ACBD6: variants seen among roughly 807,000 people sequenced by gnomAD.
ACBD6 encodes acyl-CoA-binding domain-containing protein 6.
In ACBD6, 28 loss-of-function variants were observed where a neutral mutation model predicts 37.2. The ratio of observed to expected loss-of-function variants is 0.75; its 90% CI spans 0.56 to 1.03. The LOEUF is 1.03. ACBD6 is among the 50% of genes least tolerant of loss of function. ACBD6 has a pLI of 0.00. For synonymous variants in ACBD6, 113 were observed against 126.8 expected, an observed-to-expected ratio of 0.89 and a Z score of 0.73; for missense variants, 340 against 337.4, an observed-to-expected ratio of 1.01 and a Z score of -0.06.
intron 3 of ACBD6, among the ~76,000 whole-genome samples, chr1:180,445,132 A>G (rs1008563711): frequency 4.6e-5 from 7 of 152,202 alleles, no homozygotes; most frequent in African/African-American, 1.7e-4. Context: ...TTTATACATA[A>G]ATAAAACAGT....
chr1:180,309,674 A>G (rs1268701856), intron 7 of ACBD6, among the ~76,000 whole-genome samples: 3 of 152,234 alleles, frequency 2.0e-5, no homozygotes, highest in Non-Finnish European at 4.4e-5. Context: ...ATTGTGGAGT[A>G]AAAGAAGGCT....
At chr1:180,355,960 C>T (rs748521470) in intron 6 of ACBD6, among the ~76,000 whole-genome samples, 3 of 151,888 alleles carry the variant, frequency 2.0e-5, no homozygotes, top group East Asian at 1.9e-4. Context: ...CTCTGCCTCC[C>T]GGGTTCAAGC....
At chr1:180,465,069 C>G (rs1650295192) in intron 3 of ACBD6, among the ~76,000 whole-genome samples, 1 of 152,026 alleles carries the variant, frequency 6.6e-6, no homozygotes, top group African/African-American at 2.4e-5. Flanking sequence ...AACCCAAAAC[C>G]ATAAAAACCC....
At chr1:180,479,993 CCAAAGAAA>C (rs1490351968) in intron 3 of ACBD6, among the ~76,000 whole-genome samples, 1 of 151,144 alleles carries the variant, frequency 6.6e-6, no homozygotes, top group Non-Finnish European at 1.5e-5. Context: ...TGTCTCAAAA[CCAAAGAAA>C]AAAAGAAAAT....
Position 180,431,007 on chromosome 1 carries a change from T to A in ACBD6, c.385-745A>T, listed in dbSNP as rs141990119. ...TTTAGTACAGGACACCCTGCAAAAGTCAAAACTCTGATTCCGGACATAAAT... is the reference window on the plus strand; with the variant it reads ...TTTAGTACAGGACACCCTGCAAAAGACAAAACTCTGATTCCGGACATAAAT... On this transcript the variant is annotated intron_variant, in intron 3 of 7. Coordinates refer to ENST00000367595, the MANE Select transcript of ACBD6 (RefSeq NM_032360.4). 9.2e-5 allele frequency among the ~76,000 whole-genome samples: 14 copies of A among 152,242 alleles called. No homozygotes were observed. The East Asian group carries it at 2.5e-3, about 27-fold the overall frequency.
At chr1:180,315,301 C>A (rs928775809) in intron 6 of ACBD6, among the ~76,000 whole-genome samples, 4 of 152,144 alleles carry the variant, frequency 2.6e-5, no homozygotes, top group African/African-American at 4.8e-5. Flanking sequence ...GAAATTCCAA[C>A]ATTTCAGTTA....
chr1:180,310,103 A>T (rs145090108), intron 7 of ACBD6, among the ~76,000 whole-genome samples: 5 of 152,282 alleles, frequency 3.3e-5, no homozygotes, highest in Admixed American at 6.5e-5. Context: ...TTTATAAAAA[A>T]AAATAACTAC....
intron 6 of ACBD6, among the ~76,000 whole-genome samples, chr1:180,375,655 G>A (rs1004133076): frequency 6.6e-6 from 1 of 152,082 alleles, no homozygotes; most frequent in African/African-American, 2.4e-5. Context: ...ATGGTGCCAG[G>A]ACAACAGGTA....
At chr1:180,420,661 G>A (rs1648320635) in intron 4 of ACBD6, among the ~76,000 whole-genome samples, 2 of 152,184 alleles carry the variant, frequency 1.3e-5, no homozygotes, top group African/African-American at 2.4e-5. Context: ...TCTCTTACTA[G>A]AAAGGTACCT....
At chr1:180,316,155 T>C (rs975201747) in intron 6 of ACBD6, among the ~76,000 whole-genome samples, 3 of 151,976 alleles carry the variant, frequency 2.0e-5, no homozygotes, top group Non-Finnish European at 4.4e-5. Flanking sequence ...AGTATCTGAG[T>C]GATTCTTATG....
chr1:180,438,113 T>C (rs944344186), intron 3 of ACBD6, among the ~76,000 whole-genome samples: 1 of 152,188 alleles, frequency 6.6e-6, no homozygotes, highest in Admixed American at 6.5e-5. Context: ...GTGAAGACTA[T>C]TGTGAACTGC....
intron 6 of ACBD6, among the ~76,000 whole-genome samples, chr1:180,364,919 G>C (rs763280994): frequency 8.6e-5 from 13 of 152,028 alleles, no homozygotes; most frequent in Non-Finnish European, 1.6e-4. Context: ...AGTTTTAATA[G>C]AGACAGGGTT....
chr1:180,285,359 AG>A (rs1649452051), downstream of ACBD6, among the ~76,000 whole-genome samples: 1 of 152,208 alleles, frequency 6.6e-6, no homozygotes, highest in African/African-American at 2.4e-5. Flanking sequence ...CTCAAAAAAA[AG>A]TGAAAATAGG....
rs537604291 is a variant in ACBD6 at position 180,398,694 on chromosome 1, G to GA, written c.574-1090dup. Among the ~76,000 whole-genome samples, 4 of 152,102 alleles carry GA rather than the reference G, an allele frequency of 2.6e-5. No homozygotes were observed. The South Asian group carries it at 8.3e-4, about 32-fold the overall frequency. ...GCCAGAAAATCTTGTTTTAGTTAATGAAAAAAAGCCTACTTGGTTCAAAAG... is the reference window on the plus strand; with the variant it reads ...GCCAGAAAATCTTGTTTTAGTTAATGAAAAAAAAGCCTACTTGGTTCAAAAG... On this transcript the variant is annotated intron_variant, in intron 5 of 7. Transcript: ENST00000367595.
intron 7 of ACBD6, among the ~76,000 whole-genome samples, chr1:180,311,771 G>C (rs374994497): frequency 1.3e-5 from 2 of 152,164 alleles, no homozygotes; most frequent in East Asian, 1.9e-4. Flanking sequence ...AGTAATCTTG[G>C]TTCAAATATC....
At chr1:180,278,962 A>G (rs184398297) in intron 9 of ACBD6, 5 of 152,282 alleles carry the variant, frequency 3.3e-5, no homozygotes. Flanking sequence ...AATTATGTAA[A>G]ATAAATATGG....
chr1:180,496,123 T>G (rs530952859), intron 1 of ACBD6, among the ~76,000 whole-genome samples: 1 of 152,306 alleles, frequency 6.6e-6, no homozygotes, highest in African/African-American at 2.4e-5. Flanking sequence ...TCTTATCATC[T>G]TTTGTTTGAG....
At chr1:180,356,811 C>G (rs1652645921) in intron 6 of ACBD6, among the ~76,000 whole-genome samples, 2 of 148,026 alleles carry the variant, frequency 1.4e-5, no homozygotes, top group Non-Finnish European at 3.0e-5. Flanking sequence ...GATTGAGCCA[C>G]TTGCACTCCA....
intron 6 of ACBD6, among the ~76,000 whole-genome samples, chr1:180,328,606 T>C (rs1651348763): frequency 6.6e-6 from 1 of 152,076 alleles, no homozygotes; most frequent in African/African-American, 2.4e-5. Flanking sequence ...AATATAAATT[T>C]TATTTAAAAA....
Sources: allele counts gnomAD v4.1 joint callset (sites outside exome capture counted in the v4.1 genomes callset), GRCh38; gene constraint gnomAD v4.1.1; transcripts MANE v1.5; gene names NCBI Gene and HGNC (gene_info 2026-07-23, HGNC 2026-07-21).